The following KCNT1 variants were observed in gnomAD, a reference collection of about 807,000 sequenced individuals.
KCNT1 encodes potassium sodium-activated channel subfamily T member 1, also known as potassium channel subfamily T member 1.
KCNT1 carries 78 observed loss-of-function variants against 147.8 expected under a neutral mutation model. That is an observed-to-expected ratio of 0.53 (90% confidence interval 0.44 to 0.64). The LOEUF (loss-of-function observed/expected upper bound fraction) is 0.64, where lower values mean the gene tolerates loss of function less well. Among genes scored for constraint, KCNT1 ranks in the 30% least tolerant of loss-of-function variants. The pLI is 0.00. For synonymous variants in KCNT1, 867 were observed against 748.8 expected, an observed-to-expected ratio of 1.16 and a Z score of -2.58; for missense variants, 1,419 against 1,750.3, an observed-to-expected ratio of 0.81 and a Z score of 3.38.
intron 24 of KCNT1, among the ~76,000 whole-genome samples, chr9:135,781,064 G>T (rs943371329): frequency 3.3e-5 from 5 of 152,336 alleles, no homozygotes; most frequent in Middle Eastern, 3.4e-3. Context: ...CCCCGCCGTG[G>T]GGCCCATCTC....
intron 2 of KCNT1, among the ~76,000 whole-genome samples, chr9:135,733,279 G>GCCCCCCACACCTGCCCCTGCACCT (rs1830190051): frequency 4.6e-5 from 1 of 21,602 alleles, no homozygotes. Context: ...CCTCACACCT[G>GCCCCCCACACCTGCCCCTGCACCT]CCCCCCACAC....
intron 2 of KCNT1, among the ~76,000 whole-genome samples, chr9:135,732,773 TCTCA>T (rs966632248): frequency 6.7e-6 from 1 of 150,132 alleles, no homozygotes; most frequent in Non-Finnish European, 1.5e-5. Flanking sequence ...TCTCTCTCTC[TCTCA>T]TTCTCTCTCT....
intron 2 of KCNT1, among the ~76,000 whole-genome samples, chr9:135,731,964 A>ATATATATATATATATATATG (rs1836459595): frequency 1.2e-4 from 2 of 16,342 alleles, no homozygotes; most frequent in Non-Finnish European, 2.4e-4. Context: ...ATGCGTGTAT[A>ATATATATATATATATATATG]TATATATATA....
At chr9:135,755,938 A>G (rs1229537897) in intron 6 of KCNT1, among the ~76,000 whole-genome samples, 2 of 148,814 alleles carry the variant, frequency 1.3e-5, no homozygotes, top group Non-Finnish European at 3.0e-5. Flanking sequence ...AGCCAGGCTC[A>G]GTAAAACAGG....
chr9:135,759,475 G>C (rs1006840571), intron 10 of KCNT1, among the ~76,000 whole-genome samples: 1 of 152,256 alleles, frequency 6.6e-6, no homozygotes, highest in African/African-American at 2.4e-5. Context: ...CGTCAGGCAG[G>C]AGGTGGCTCC....
Position 135,750,186 on chromosome 9 carries a change from G to T in KCNT1, c.334+9G>T, listed in dbSNP as rs1353879956. ...CAAAAACCAAAGATCGAGTGAGTGG[G>T]GTGCCTGGAGGGCCACTCCCAGGCA... On this transcript the variant is annotated intron_variant, in intron 3 of 30. Coordinates refer to ENST00000371757, the MANE Select transcript of KCNT1 (RefSeq NM_020822.3). The T allele has an allele frequency of 6.2e-7, 1 of 1,610,666 alleles. No individual in the cohort carries two copies. Among genetic ancestry groups the T allele is most frequent in the Non-Finnish European group, 8.5e-7 (1 of 1,177,414 alleles).
At chr9:135,772,280 C>T (rs191203511) in intron 18 of KCNT1, among the ~76,000 whole-genome samples, 24 of 152,324 alleles carry the variant, frequency 1.6e-4, no homozygotes, top group Admixed American at 3.3e-4. Flanking sequence ...CCCCATCTGG[C>T]AGCCTGGGGT....
chr9:135,778,257 T>G, intron 21 of KCNT1, 167 bp from the exon 22 acceptor site: 2 of 621,936 alleles, frequency 3.2e-6, no homozygotes, highest in Non-Finnish European at 5.6e-6. Context: ...TTGAATAAAA[T>G]AAAGAATGGC....
At chr9:135,722,455 G>A (rs568875839) in intron 2 of KCNT1, among the ~76,000 whole-genome samples, 8 of 152,350 alleles carry the variant, frequency 5.3e-5, no homozygotes, top group African/African-American at 1.7e-4. Context: ...GCCACCAACC[G>A]TTTGGGCTTC....
intron 1 of KCNT1, among the ~76,000 whole-genome samples, chr9:135,704,691 C>T (rs566222974): frequency 2.6e-5 from 4 of 152,358 alleles, no homozygotes; most frequent in Admixed American, 1.3e-4. Context: ...TGCTCCAGGG[C>T]GGGCCTGGGA....
In KCNT1 at chr9:135,767,971, G is replaced by C. The variant is rs368430466; in HGVS notation, c.1338-639G>C. 2.7e-5 allele frequency among the ~76,000 whole-genome samples: 4 copies of C among 150,758 alleles called. No homozygotes were observed. In the East Asian group the frequency reaches 7.9e-4, roughly 30 times the overall value. On this transcript the variant is annotated intron_variant, in intron 13 of 30. Transcript: ENST00000371757. ...AGCATCTGACCCCCTGCCCCCACCC[G>C]CTGTCAGCCTGCACACACTCGGGGG...
intron 2 of KCNT1, among the ~76,000 whole-genome samples, chr9:135,731,991 T>TATATATATATATATAGAGAGAGAG (rs1276318460): frequency 1.4e-4 from 3 of 21,742 alleles, no homozygotes; most frequent in African/African-American, 1.7e-4. Context: ...TATATATATA[T>TATATATATATATATAGAGAGAGAG]AGAGAGAGAG....
At chr9:135,718,764 C>T (rs556282110) in intron 2 of KCNT1, among the ~76,000 whole-genome samples, 5 of 152,166 alleles carry the variant, frequency 3.3e-5, no homozygotes, top group South Asian at 2.1e-4. Flanking sequence ...AGCAGGTGGG[C>T]GGGCAGGACT....
At chr9:135,787,258 G>C (rs566579452) in intron 29 of KCNT1, among the ~76,000 whole-genome samples, 1 of 152,122 alleles carries the variant, frequency 6.6e-6, no homozygotes, top group African/African-American at 2.4e-5. Context: ...GCCTTGTGGT[G>C]GGAAGTGTGC....
Position 135,714,631 on chromosome 9 carries a change from C to T in KCNT1, c.165C>T (p.Ser55=). 2.0e-6 allele frequency: 3 copies of T among 1,464,448 alleles called. No homozygotes were observed. The highest frequency in any genetic ancestry group is 2.7e-6 in the Non-Finnish European group (3 of 1,096,522). The allele number at this position is 1,464,448 out of a possible 1,614,324, so 90.7% of individuals were successfully genotyped here. ...TGGACACCGCCGGCTTCAAGATGAG[C>T]GACCTGGACTCCGAGGTGCTGCCCT... The part of the protein sequence containing the change: ...ALLDTAGFKM[S]DLDSEVLPLP... The change falls in exon 2 of 31, where the codon AGC becomes AGT. Residue 55 remains serine, a synonymous_variant. Coordinates refer to ENST00000371757, the MANE Select transcript of KCNT1 (RefSeq NM_020822.3). The surrounding 1 kb of genome is among the most constrained non-coding windows in gnomAD (Gnocchi z 6.2).
chr9:135,778,733 G>C lies in KCNT1; in HGVS notation c.2640G>C (p.Leu880=), dbSNP rs773647691. The change falls in exon 23 of 31, where the codon CTG becomes CTC. Residue 880 remains leucine (L), a synonymous_variant. Transcript: ENST00000371757. ...GTGGCATCATCTATGCGGACAACCT[G>C]GTGGTGGTGGACAAGGAGAGCACCA... ...LQCGIIYADN[L]VVVDKESTMS... 2.5e-6 allele frequency: 4 copies of C among 1,613,842 alleles called. No homozygotes were observed. Among genetic ancestry groups the C allele is most frequent in the Admixed American group, 1.7e-5 (1 of 60,024 alleles).
In KCNT1 at chr9:135,765,647, C is replaced by T. The variant is rs1280857652; in HGVS notation, c.1224C>T (p.Cys408=). ...AGGACTATTACGTGGTCATCCTGTG[C>T]CCCACGGAGATGGATGTCCAGGTGC... ...RLQDYYVVIL[C]PTEMDVQVRR... Residue 408 remains cysteine, a synonymous_variant, in exon 13 of 31, where the codon TGC becomes TGT. Transcript: ENST00000371757. 1.9e-6 allele frequency: 3 copies of T among 1,610,800 alleles called. No homozygotes were observed. Among genetic ancestry groups the T allele is most frequent in the South Asian group, 1.1e-5 (1 of 90,596 alleles).
chr9:135,775,682 C>T (rs932164788), intron 20 of KCNT1, among the ~76,000 whole-genome samples: 1 of 152,182 alleles, frequency 6.6e-6, no homozygotes, highest in Non-Finnish European at 1.5e-5. Context: ...AGGTTGGAGC[C>T]ACCACACCCC....
intron 24 of KCNT1, among the ~76,000 whole-genome samples, chr9:135,783,386 GAGGCCCCC>G (rs1833759847): frequency 6.6e-6 from 1 of 150,886 alleles, no homozygotes; most frequent in East Asian, 1.9e-4. Context: ...GCAAGAGAAG[GAGGCCCCC>G]AGGCCTCCAG....
Sources: gnomAD v4.1 joint callset for allele counts (sites outside exome capture counted in the v4.1 genomes callset) on GRCh38, gnomAD v4.1.1 for gene constraint, Gnocchi (gnomAD v3.1) non-coding constraint, MANE v1.5 for transcripts, NCBI Gene and HGNC (gene_info 2026-07-23, HGNC 2026-07-21) for gene names.